The following NUCKS1 variants were observed in gnomAD, a reference collection of about 807,000 sequenced individuals.
NUCKS1 encodes nuclear ubiquitous casein and cyclin-dependent kinase substrate 1.
Under a neutral mutation model 33.0 loss-of-function variants are expected in NUCKS1, and 2 were observed. The ratio of observed to expected loss-of-function variants is 0.06; its 90% CI spans 0.02 to 0.19. NUCKS1 has a LOEUF of 0.19. NUCKS1 is among the 10% of genes least tolerant of loss of function. The pLI, the probability that NUCKS1 is intolerant of heterozygous loss-of-function variation, is 1.00. For synonymous variants in NUCKS1, 106 were observed against 102.8 expected (o/e 1.03, Z -0.19); for missense variants, 201 against 293.6 (o/e 0.68, Z 2.31).
At chr1:205,726,979 T>C (rs1212015301) in intron 3 of NUCKS1, among the ~76,000 whole-genome samples, 3 of 151,996 alleles carry the variant, frequency 2.0e-5, no homozygotes, top group South Asian at 2.1e-4. Context: ...TGTTTTTTTT[T>C]CCCAAGACAG....
At position 205,747,811 on chromosome 1, in the gene NUCKS1, C is replaced by T. The variant is rs1159093666; in HGVS notation, c.17+2146G>A. 2.6e-5 allele frequency among the ~76,000 whole-genome samples: 4 copies of T among 152,144 alleles called. No homozygotes were observed. In the East Asian group the frequency reaches 5.8e-4, roughly 22 times the overall value. On this transcript the variant is annotated intron_variant, in intron 1 of 6. Coordinates refer to ENST00000367142, the MANE Select transcript of NUCKS1 (RefSeq NM_022731.5). ...CTTCAATTATACTTTGAAACAACAT[C>T]ATTTCCCTAAGTCAGGACTTTTTTA...
chr1:205,742,109 C>G (rs823113), intron 1 of NUCKS1, among the ~76,000 whole-genome samples: 133,851 of 152,262 alleles, frequency 0.88, 59,829 homozygotes, highest in Non-Finnish European at 0.97. Context: ...ATAGCAGCAC[C>G]GACTTTTACT....
At chr1:205,745,961 A>G (rs1392335694) in intron 1 of NUCKS1, among the ~76,000 whole-genome samples, 1 of 152,214 alleles carries the variant, frequency 6.6e-6, no homozygotes, top group Non-Finnish European at 1.5e-5. Flanking sequence ...CAGGTAATTA[A>G]TTACATGTAT....
At chr1:205,724,014 A>C in intron 3 of NUCKS1, 33 bp from the exon 4 acceptor site, 1 of 1,511,806 alleles carries the variant, frequency 6.6e-7, no homozygotes, top group Non-Finnish European at 9.2e-7. Context: ...AAATGCATAA[A>C]AGTCTTAGCT....
intron 3 of NUCKS1, 68 bp from the exon 4 acceptor site, chr1:205,724,049 C>T: frequency 1.8e-6 from 2 of 1,114,964 alleles, no homozygotes; most frequent in South Asian, 1.2e-5. Flanking sequence ...ACATAGATCT[C>T]TGATTTCTGA....
intron 4 of NUCKS1, among the ~76,000 whole-genome samples, chr1:205,723,157 A>G (rs1466520361): frequency 6.6e-6 from 1 of 152,142 alleles, no homozygotes; most frequent in Non-Finnish European, 1.5e-5. Context: ...GGAAAGCAAA[A>G]CAGCTAAGCA....
At chr1:205,733,190 T>C (rs1003293249) in intron 1 of NUCKS1, among the ~76,000 whole-genome samples, 19 of 152,340 alleles carry the variant, frequency 1.2e-4, no homozygotes, top group Middle Eastern at 3.4e-3. Context: ...GACGTAGCAA[T>C]GGATATATCC....
intron 1 of NUCKS1, among the ~76,000 whole-genome samples, chr1:205,749,637 G>A (rs1412967759): frequency 6.6e-6 from 1 of 152,076 alleles, no homozygotes; most frequent in Non-Finnish European, 1.5e-5. Flanking sequence ...TGGGGGCGCT[G>A]ACTTCACACC....
Position 205,718,237 on chromosome 1 carries a change from CT to C in NUCKS1, c.*42del, listed in dbSNP as rs758227848. The C allele has an allele frequency of 9.6e-3, 5,725 of 598,434 alleles. No individual in the cohort carries two copies. The highest frequency in any genetic ancestry group is 0.026 in the South Asian group (931 of 36,164). 37.1% of individuals were successfully genotyped at this position (598,434 alleles called of 1,614,324 possible). A position where few individuals can be genotyped will look rare whatever the true frequency, so the allele number is the denominator to read the frequency against. Reference sequence around the variant, plus strand: ...TCCTCCCTCTTTTTTCTTTTTTTTTCTTTTTTTTTTTAATAAAATCTCTCCC... The same window carrying C: ...TCCTCCCTCTTTTTTCTTTTTTTTTCTTTTTTTTTTAATAAAATCTCTCCC... On this transcript the variant is annotated 3_prime_UTR_variant, in exon 7 of 7. Transcript: ENST00000367142.
At chr1:205,727,579 T>C (rs907604027) in intron 3 of NUCKS1, 121 bp downstream of exon 3, 5 of 709,642 alleles carry the variant, frequency 7.0e-6, no homozygotes, top group Non-Finnish European at 1.3e-5. Context: ...ATGCAAAATA[T>C]TAAGTGGACA....
chr1:205,737,794 T>C (rs1654066472), intron 1 of NUCKS1, among the ~76,000 whole-genome samples: 2 of 152,244 alleles, frequency 1.3e-5, no homozygotes, highest in Admixed American at 6.5e-5. Flanking sequence ...ATTTTAAAAG[T>C]ATACATTTGT....
At chr1:205,737,977 TAAAGA>T (rs1372898396) in intron 1 of NUCKS1, among the ~76,000 whole-genome samples, 1 of 152,226 alleles carries the variant, frequency 6.6e-6, no homozygotes, top group Non-Finnish European at 1.5e-5. Context: ...AGTTCCACAT[TAAAGA>T]AAACTGCTAA....
chr1:205,730,029 A>T (rs1300374286), intron 1 of NUCKS1, among the ~76,000 whole-genome samples: 2 of 151,926 alleles, frequency 1.3e-5, no homozygotes, highest in African/African-American at 2.4e-5. Context: ...CTCAAAAAAA[A>T]AAAAGAAAAG....
At position 205,743,122 on chromosome 1, in the gene NUCKS1, T is replaced by TA. The variant is rs1396089218; in HGVS notation, c.17+6834dup. On this transcript the variant is annotated intron_variant, in intron 1 of 6. Coordinates refer to ENST00000367142, the MANE Select transcript of NUCKS1 (RefSeq NM_022731.5). ...AGGGACAACCTTCATGTAGAATGCG[T>TA]AGGCGCAGTATCCCAGCGTTACACA... Among the ~76,000 whole-genome samples the TA allele has an allele frequency of 2.6e-5, 4 of 152,208 alleles. No homozygotes were observed. The East Asian group carries it at 7.7e-4, about 29-fold the overall frequency.
At chr1:205,722,266 T>C (rs1354350184) in intron 4 of NUCKS1, among the ~76,000 whole-genome samples, 1 of 151,984 alleles carries the variant, frequency 6.6e-6, no homozygotes. Flanking sequence ...TTTGCTTGTT[T>C]GTTTTTTGAG....
rs1215949227 is a variant in NUCKS1, at chr1:205,717,281, T to C, written c.*999A>G. On this transcript the variant is annotated 3_prime_UTR_variant, in exon 7 of 7. Coordinates refer to ENST00000367142, the MANE Select transcript of NUCKS1 (RefSeq NM_022731.5). ...TTCATAAAGGAAAAATCTCAACTCT[T>C]TGTGACTGAGTTTCACATTAACTGG... The C allele has an allele frequency of 9.1e-6, 9 of 984,880 alleles. No homozygotes were observed. The highest frequency in any genetic ancestry group is 1.1e-5 in the Non-Finnish European group (9 of 827,732). The allele number at this position is 984,880 out of a possible 1,614,324, so 61.0% of individuals were successfully genotyped here. A position where few individuals can be genotyped will look rare whatever the true frequency, so the allele number is the denominator to read the frequency against.
chr1:205,749,825 C>T, intron 1 of NUCKS1, 132 bp downstream of exon 1: 1 of 965,282 alleles, frequency 1.0e-6, no homozygotes, highest in Admixed American at 2.5e-5. Flanking sequence ...CAAGGGTGCG[C>T]GCGGGCCCCG....
intron 4 of NUCKS1, among the ~76,000 whole-genome samples, chr1:205,722,922 G>A (rs769189465): frequency 6.6e-6 from 1 of 152,144 alleles, no homozygotes; most frequent in Non-Finnish European, 1.5e-5. Flanking sequence ...TGACATGGCC[G>A]ACCCAAAACT....
intron 1 of NUCKS1, among the ~76,000 whole-genome samples, chr1:205,744,937 G>C (rs765806947): frequency 6.6e-6 from 1 of 152,052 alleles, no homozygotes; most frequent in East Asian, 1.9e-4. Context: ...TGGCCCTCAC[G>C]AGAGATATTA....
Sources: gnomAD v4.1 joint callset for allele counts (sites outside exome capture counted in the v4.1 genomes callset) on GRCh38, gnomAD v4.1.1 for gene constraint, MANE v1.5 for transcripts, NCBI Gene and HGNC (gene_info 2026-07-23, HGNC 2026-07-21) for gene names.